The following RASEF variants were observed in gnomAD, a reference collection of about 807,000 sequenced individuals.
RASEF encodes ras and EF-hand domain-containing protein.
A neutral mutation model predicts 90.1 loss-of-function variants in RASEF; 68 were observed. The observed-to-expected ratio is 0.75, with a 90% CI of 0.62 to 0.92. The LOEUF is 0.92. Among genes scored for constraint, RASEF ranks in the 40% least tolerant of loss-of-function variants. The probability of loss-of-function intolerance (pLI) is 0.00; values close to 1 mark genes in which losing one functional copy is unlikely to be tolerated. For missense variants in RASEF, 949 were observed against 937.2 expected, an observed-to-expected ratio of 1.01 and a Z score of -0.16; for synonymous variants, 331 against 345.2, an observed-to-expected ratio of 0.96 and a Z score of 0.46.
At position 82,991,985 on chromosome 9, in the gene RASEF, G is replaced by C. The variant is rs1419255389; in HGVS notation, c.2040+921C>G. On this transcript the variant is annotated intron_variant, in intron 15 of 16. Transcript: ENST00000376447. ...CACACAATGAAGTGTTTGTTACATG[G>C]TGGATACCAATAAATATGGGTTGAG... 2.0e-5 allele frequency among the ~76,000 whole-genome samples: 3 copies of C among 152,192 alleles called. No homozygotes were observed. The East Asian group carries it at 5.8e-4, about 29-fold the overall frequency.
chr9:83,066,472 C>A (rs1405374092), upstream of RASEF, among the ~76,000 whole-genome samples: 1 of 152,286 alleles, frequency 6.6e-6, no homozygotes, highest in African/African-American at 2.4e-5. Flanking sequence ...TTATTTTCAA[C>A]AAACAGCAAA....
At chr9:82,984,998 A>T (rs572176640) in intron 16 of RASEF, among the ~76,000 whole-genome samples, 26 of 152,306 alleles carry the variant, frequency 1.7e-4, no homozygotes, top group African/African-American at 4.3e-4. Flanking sequence ...CTTTTGAAAG[A>T]ACAGAAAAGG....
intron 14 of RASEF, among the ~76,000 whole-genome samples, chr9:82,996,016 T>G (rs1364922307): frequency 6.6e-6 from 1 of 152,200 alleles, no homozygotes; most frequent in Admixed American, 6.5e-5. Flanking sequence ...TAAACACACT[T>G]TCACTGTGTT....
intron 1 of RASEF, among the ~76,000 whole-genome samples, chr9:83,058,213 C>T (rs1281581197): frequency 2.7e-5 from 3 of 112,876 alleles, no homozygotes; most frequent in East Asian, 3.0e-4. Context: ...GAAGGAGTCT[C>T]GCTCTGTCGC....
At chr9:83,193,203 C>A in the RASEF span, among the ~76,000 whole-genome samples, 1 of 152,146 alleles carries the variant, frequency 6.6e-6, no homozygotes, top group African/African-American at 2.4e-5. Context: ...GGTCCCTGCC[C>A]CACCTTTCCC....
chr9:83,204,233 G>A, the RASEF span, among the ~76,000 whole-genome samples: 1 of 152,228 alleles, frequency 6.6e-6, no homozygotes, highest in African/African-American at 2.4e-5. Flanking sequence ...GAGCACCACA[G>A]GGTTGGCCAC....
At chr9:83,145,558 C>A in the RASEF span, among the ~76,000 whole-genome samples, 1 of 152,156 alleles carries the variant, frequency 6.6e-6, no homozygotes, top group East Asian at 1.9e-4. Context: ...CTTACCACAA[C>A]TTCTAAGGTT....
chr9:83,018,488 T>C (rs927222466), intron 3 of RASEF, among the ~76,000 whole-genome samples: 3 of 152,136 alleles, frequency 2.0e-5, no homozygotes, highest in Admixed American at 1.3e-4. Flanking sequence ...TCAATACTGT[T>C]GTCAATTCTC....
At chr9:83,047,197 A>G (rs1323317894) in intron 1 of RASEF, among the ~76,000 whole-genome samples, 1 of 152,188 alleles carries the variant, frequency 6.6e-6, no homozygotes, top group Non-Finnish European at 1.5e-5. Context: ...AAAATGGAAG[A>G]CAAGGACAGA....
the RASEF span, among the ~76,000 whole-genome samples, chr9:83,139,805 C>A: frequency 1.3e-5 from 2 of 152,146 alleles, no homozygotes; most frequent in African/African-American, 2.4e-5. Flanking sequence ...CAACTTCTCT[C>A]TGAATATGAA....
chr9:83,156,450 G>T, the RASEF span, among the ~76,000 whole-genome samples: 11 of 152,118 alleles, frequency 7.2e-5, no homozygotes, highest in African/African-American at 2.7e-4. Flanking sequence ...CCCTACCAGT[G>T]GTGGAATGCC....
the RASEF span, among the ~76,000 whole-genome samples, chr9:83,093,857 G>A: frequency 2.0e-5 from 3 of 152,240 alleles, no homozygotes; most frequent in Non-Finnish European, 4.4e-5. Flanking sequence ...CTGCCAGCAC[G>A]CTGTCACCTC....
chr9:83,190,136 C>T, the RASEF span, among the ~76,000 whole-genome samples: 1 of 152,192 alleles, frequency 6.6e-6, no homozygotes, highest in Non-Finnish European at 1.5e-5. Context: ...TTCTGCAGCA[C>T]TTTCCCCACA....
chr9:83,005,688 T>C (rs1000836725), intron 7 of RASEF, among the ~76,000 whole-genome samples, 188 bp from the exon 8 acceptor site: 12 of 152,234 alleles, frequency 7.9e-5, no homozygotes, highest in Admixed American at 5.2e-4. Flanking sequence ...AAGAACTAAA[T>C]TGATTACTCC....
chr9:83,085,490 C>T, the RASEF span, among the ~76,000 whole-genome samples: 1,662 of 151,912 alleles, frequency 0.011, 22 homozygotes, highest in Non-Finnish European at 0.017. Flanking sequence ...AAAAATTAGC[C>T]AGGCATGGTG....
At chr9:83,120,160 A>AGGGGTT in the RASEF span, among the ~76,000 whole-genome samples, 1 of 152,198 alleles carries the variant, frequency 6.6e-6, no homozygotes, top group Non-Finnish European at 1.5e-5. Context: ...CATCAGACCT[A>AGGGGTT]GGGGTTGGGC....
the RASEF span, among the ~76,000 whole-genome samples, chr9:83,205,939 AT>A: frequency 6.6e-6 from 1 of 152,226 alleles, no homozygotes; most frequent in African/African-American, 2.4e-5. Flanking sequence ...GGGCAGTAGA[AT>A]ATAACTACCC....
chr9:83,162,110 A>G, the RASEF span, among the ~76,000 whole-genome samples: 1 of 152,180 alleles, frequency 6.6e-6, no homozygotes, highest in Non-Finnish European at 1.5e-5. Flanking sequence ...AAAAAAATAG[A>G]TTGAGATTAT....
At chr9:82,991,570 G>A (rs535891897) in intron 15 of RASEF, among the ~76,000 whole-genome samples, 101 of 152,178 alleles carry the variant, frequency 6.6e-4, no homozygotes, top group Non-Finnish European at 1.1e-3. Context: ...CCAGGAAATG[G>A]GGAAAAATGC....
Sources: allele counts gnomAD v4.1 joint callset (sites outside exome capture counted in the v4.1 genomes callset), GRCh38; gene constraint gnomAD v4.1.1; transcripts MANE v1.5; gene names NCBI Gene and HGNC (gene_info 2026-07-23, HGNC 2026-07-21).